The following NEDD4L variants were observed in gnomAD, a reference collection of about 807,000 sequenced individuals.
NEDD4L encodes the protein NEDD4 like E3 ubiquitin protein ligase, also known as E3 ubiquitin-protein ligase NEDD4-like.
In NEDD4L, 54 loss-of-function variants were observed where a neutral mutation model predicts 148.9. The observed-to-expected ratio is 0.36, with a 90% confidence interval of 0.29 to 0.45. The LOEUF (loss-of-function observed/expected upper bound fraction) is 0.45. Ranked by LOEUF, NEDD4L falls within the 20% of genes least tolerant of loss-of-function variation. NEDD4L has a pLI of 1.00. For missense variants in NEDD4L, 856 were observed against 1,233.8 expected, an observed-to-expected ratio of 0.69 and a Z score of 4.59; for synonymous variants, 433 against 440.7, an observed-to-expected ratio of 0.98 and a Z score of 0.22.
chr18:58,321,004 A>G (rs2058723168), intron 6 of NEDD4L, among the ~76,000 whole-genome samples: 2 of 152,194 alleles, frequency 1.3e-5, no homozygotes, highest in East Asian at 1.9e-4. Context: ...TCATTCAATG[A>G]TAGTGAATTT....
chr18:58,293,802 A>C (rs1299193798), intron 5 of NEDD4L, among the ~76,000 whole-genome samples: 2 of 152,188 alleles, frequency 1.3e-5, no homozygotes, highest in Non-Finnish European at 2.9e-5. Flanking sequence ...AACTCACTGC[A>C]GCCTCTACCT....
intron 5 of NEDD4L, among the ~76,000 whole-genome samples, chr18:58,276,711 AT>A (rs60247868): frequency 4.0e-5 from 6 of 150,006 alleles, no homozygotes; most frequent in Non-Finnish European, 7.4e-5. Context: ...TATTATTATT[AT>A]TAATAAAATG....
intron 5 of NEDD4L, 112 bp from the exon 6 acceptor site, chr18:58,315,870 T>A: frequency 1.0e-6 from 1 of 958,112 alleles, no homozygotes; most frequent in Non-Finnish European, 1.7e-6. Flanking sequence ...GCCCTCCACA[T>A]TCCAGTGCCA....
intron 1 of NEDD4L, among the ~76,000 whole-genome samples, chr18:58,061,394 A>G (rs1018316910): frequency 4.6e-5 from 7 of 152,200 alleles, no homozygotes; most frequent in Non-Finnish European, 1.0e-4. Context: ...CAAGTCTTCC[A>G]GATGTCAGAA....
intron 5 of NEDD4L, among the ~76,000 whole-genome samples, chr18:58,280,709 A>G (rs901305680): frequency 7.9e-5 from 12 of 152,150 alleles, no homozygotes; most frequent in African/African-American, 2.4e-4. Context: ...TCTGAGAAAT[A>G]TTATTTTAAA....
intron 23 of NEDD4L, 154 bp from the exon 24 acceptor site, chr18:58,373,020 A>G: frequency 1.7e-6 from 1 of 587,606 alleles, no homozygotes; most frequent in South Asian, 2.0e-5. Context: ...TTTAAAGAGG[A>G]AGGTTTGGTT....
intron 19 of NEDD4L, among the ~76,000 whole-genome samples, chr18:58,360,866 C>G (rs2045380366): frequency 6.6e-6 from 1 of 151,788 alleles, no homozygotes; most frequent in South Asian, 2.1e-4. Flanking sequence ...TTACTGTTAA[C>G]TTCTTAGCTT....
chr18:58,291,477 T>C lies in NEDD4L; in HGVS notation c.298-24505T>C, dbSNP rs529625934. Reference sequence around the variant, plus strand: ...AGTGCAATGAATCTAGCACCATTGGTTCAGTTTTAAATGGACTGATTCCAT... The same window carrying C: ...AGTGCAATGAATCTAGCACCATTGGCTCAGTTTTAAATGGACTGATTCCAT... On this transcript the variant is annotated intron_variant, in intron 5 of 30. Transcript: ENST00000400345. 2.6e-5 allele frequency among the ~76,000 whole-genome samples: 4 copies of C among 152,330 alleles called. No individual in the cohort carries two copies. The South Asian group carries it at 6.2e-4, about 24-fold the overall frequency.
intron 2 of NEDD4L, among the ~76,000 whole-genome samples, chr18:58,206,907 A>G (rs563750168): frequency 2.0e-5 from 3 of 152,196 alleles, no homozygotes; most frequent in Non-Finnish European, 4.4e-5. Context: ...CACTTGCTAC[A>G]GTGTGATGGA....
chr18:58,288,786 C>T (rs1030785433), intron 5 of NEDD4L, among the ~76,000 whole-genome samples: 2 of 152,098 alleles, frequency 1.3e-5, no homozygotes, highest in African/African-American at 4.8e-5. Context: ...CAGGTAGATA[C>T]TGCAAACTTG....
In NEDD4L at chr18:58,387,484, GA is replaced by G; in HGVS notation, c.2537del (p.Asn846MetfsTer15). 6.4e-7 allele frequency: 1 copy of G among 1,560,804 alleles called. No homozygotes were observed. The highest frequency in any genetic ancestry group is 1.9e-5 in the Admixed American group (1 of 53,288). ...LPIDLIKIFDENELELLMCGL... is the reference protein window; with the variant it reads ...LPIDLIKIFDXNELELLMCGL... The stretch of plus-strand genomic sequence containing the variant: ...TATTGATTTGATTAAAATTTTTGAT[GA>G]AAATGAGCTGGAGGTTTGTATTATA... On this transcript the variant is annotated frameshift_variant, in exon 27 of 31. Coordinates refer to ENST00000400345, the MANE Select transcript of NEDD4L (RefSeq NM_001144967.3). LOFTEE classifies it high-confidence loss of function.
chr18:58,341,286 T>G (rs2042390163), intron 14 of NEDD4L, 117 bp downstream of exon 14: 2 of 1,213,466 alleles, frequency 1.6e-6, no homozygotes, highest in African/African-American at 3.1e-5. Flanking sequence ...TGTAAAAGCT[T>G]TCTCACAAAG....
At chr18:58,111,593 T>C (rs1454414566) in intron 1 of NEDD4L, among the ~76,000 whole-genome samples, 1 of 152,226 alleles carries the variant, frequency 6.6e-6, no homozygotes, top group African/African-American at 2.4e-5. Context: ...GTCATCAATG[T>C]TATAGCAGGT....
chr18:58,064,329 T>A (rs1292815511), intron 1 of NEDD4L, among the ~76,000 whole-genome samples: 3 of 152,226 alleles, frequency 2.0e-5, no homozygotes, highest in Non-Finnish European at 4.4e-5. Flanking sequence ...TATATCACCA[T>A]AGCCATCACT....
chr18:58,249,043 C>T, intron 4 of NEDD4L, 106 bp downstream of exon 4: 1 of 594,722 alleles, frequency 1.7e-6, no homozygotes, highest in Non-Finnish European at 2.9e-6. Flanking sequence ...TGAGAAATTC[C>T]TTTTAGGATG....
intron 1 of NEDD4L, among the ~76,000 whole-genome samples, chr18:58,097,968 A>G (rs1442019975): frequency 1.3e-5 from 2 of 152,198 alleles, no homozygotes; most frequent in Non-Finnish European, 2.9e-5. Flanking sequence ...GGTCAAGGCT[A>G]CAGTGAGCCA....
At chr18:58,100,457 T>C (rs2084683523) in intron 1 of NEDD4L, among the ~76,000 whole-genome samples, 1 of 152,196 alleles carries the variant, frequency 6.6e-6, no homozygotes, top group South Asian at 2.1e-4. Flanking sequence ...ACAGCTCCTT[T>C]CCCCTGGTCT....
chr18:58,382,555 C>A (rs999980988), intron 24 of NEDD4L, among the ~76,000 whole-genome samples: 2 of 152,266 alleles, frequency 1.3e-5, no homozygotes, highest in East Asian at 3.9e-4. Context: ...TAGTAGGCCT[C>A]TCTCCCTTCC....
chr18:58,119,958 C>T (rs1443280073), intron 1 of NEDD4L, among the ~76,000 whole-genome samples: 1 of 152,220 alleles, frequency 6.6e-6, no homozygotes, highest in African/African-American at 2.4e-5. Context: ...TCTCCCTCTG[C>T]AGCAGATTGG....
Sources: allele counts gnomAD v4.1 joint callset (sites outside exome capture counted in the v4.1 genomes callset), GRCh38; gene constraint gnomAD v4.1.1; transcripts MANE v1.5; gene names NCBI Gene and HGNC (gene_info 2026-07-23, HGNC 2026-07-21).